Variants in MARK4 observed in about 807,000 individuals in gnomAD.
The protein encoded by MARK4 is MAP/microtubule affinity-regulating kinase 4.
In MARK4, 19 loss-of-function variants were observed where a neutral mutation model predicts 81.5. The observed-to-expected ratio is 0.23, with a 90% CI of 0.16 to 0.34. The LOEUF (loss-of-function observed/expected upper bound fraction) is 0.34. Ranked by LOEUF, MARK4 falls within the 10% of genes least tolerant of loss-of-function variation. The pLI, the probability that MARK4 is intolerant of heterozygous loss-of-function variation, is 1.00. For missense variants in MARK4, 772 were observed against 1,058.8 expected (o/e 0.73, Z 3.76); for synonymous variants, 436 against 439.0 (o/e 0.99, Z 0.08).
intron 13 of MARK4, chr19:45,288,071 C>CA (rs1227182986): frequency 4.5e-6 from 1 of 224,426 alleles, no homozygotes; most frequent in Admixed American, 5.2e-5. Context: ...AACTAAAAAT[C>CA]AAAAAAATTA....
chr19:45,286,868 T>C (rs1970749506), intron 12 of MARK4, among the ~76,000 whole-genome samples: 1 of 152,154 alleles, frequency 6.6e-6, no homozygotes. Context: ...TGATAACACA[T>C]TGTTGACCCA....
At chr19:45,272,120 C>A (rs1360261499) in intron 8 of MARK4, among the ~76,000 whole-genome samples, 1 of 152,024 alleles carries the variant, frequency 6.6e-6, no homozygotes, top group Non-Finnish European at 1.5e-5. Flanking sequence ...TCACTTGAGC[C>A]TGGGAGTTCA....
At chr19:45,290,872 G>A (rs983756196) in intron 13 of MARK4, among the ~76,000 whole-genome samples, 1 of 152,200 alleles carries the variant, frequency 6.6e-6, no homozygotes, top group Non-Finnish European at 1.5e-5. Context: ...AGGGAGGGGA[G>A]TGGAATGTTG....
intron 13 of MARK4, 71 bp from the exon 14 acceptor site, chr19:45,294,278 G>C (rs550387537): frequency 3.5e-6 from 5 of 1,439,102 alleles, no homozygotes; most frequent in African/African-American, 1.4e-5. Context: ...GGAGGGCAGA[G>C]AAGGGAAGAG....
At chr19:45,272,107 G>A (rs1002298634) in intron 8 of MARK4, among the ~76,000 whole-genome samples, 3 of 152,094 alleles carry the variant, frequency 2.0e-5, no homozygotes, top group African/African-American at 7.2e-5. Flanking sequence ...GGAGGCGGGA[G>A]GCTCACTTGA....
At chr19:45,294,247 C>T in intron 13 of MARK4, 102 bp from the exon 14 acceptor site, 1 of 1,093,990 alleles carries the variant, frequency 9.1e-7, no homozygotes, top group South Asian at 1.4e-5. Context: ...CCACATGAGC[C>T]CCTGACTTAT....
At chr19:45,251,862 G>A (rs1055885413) in intron 1 of MARK4, among the ~76,000 whole-genome samples, 1 of 151,036 alleles carries the variant, frequency 6.6e-6, no homozygotes, top group Admixed American at 6.6e-5. Context: ...CCCCTCTCTT[G>A]TCCCCGTGCA....
chr19:45,285,171 A>G (rs780743559), intron 12 of MARK4, among the ~76,000 whole-genome samples: 3 of 143,060 alleles, frequency 2.1e-5, no homozygotes, highest in Non-Finnish European at 3.0e-5. Context: ...AGGTGGGAGG[A>G]TGGTTTGAGC....
chr19:45,287,385 C>A, intron 12 of MARK4, 62 bp from the exon 13 acceptor site: 1 of 1,165,808 alleles, frequency 8.6e-7, no homozygotes, highest in African/African-American at 1.5e-5. Context: ...TCCAACGATC[C>A]CCCAGAGTCA....
chr19:45,264,788 C>A (rs759960895), intron 5 of MARK4, 39 bp downstream of exon 5: 1 of 1,613,884 alleles, frequency 6.2e-7, no homozygotes, highest in Admixed American at 1.7e-5. Context: ...CCTGTGCCAC[C>A]TCCCCCTGCC....
intron 10 of MARK4, among the ~76,000 whole-genome samples, chr19:45,279,346 G>A (rs1291567793): frequency 2.0e-5 from 3 of 152,130 alleles, no homozygotes; most frequent in Non-Finnish European, 2.9e-5. Flanking sequence ...ATGAAACCTC[G>A]TCTCTACTAA....
chr19:45,277,171 G>C (rs1970608759), intron 8 of MARK4, among the ~76,000 whole-genome samples: 1 of 151,966 alleles, frequency 6.6e-6, no homozygotes, highest in African/African-American at 2.4e-5. Context: ...CACCTCCTAA[G>C]AGTTTAAGTG....
At chr19:45,279,131 A>G (rs1970639700) in intron 10 of MARK4, among the ~76,000 whole-genome samples, 1 of 152,144 alleles carries the variant, frequency 6.6e-6, no homozygotes, top group African/African-American at 2.4e-5. Flanking sequence ...AAGCTGAGGT[A>G]GGAGGATCCC....
chr19:45,299,870 C>A lies in MARK4; in HGVS notation c.1922+15C>A. Reference sequence around the variant, plus strand: ...GAGGTCACAAGGTGAGTGCTTGGGCCTACCCCTGACTGCCACTTCCCCTCT... The same window carrying A: ...GAGGTCACAAGGTGAGTGCTTGGGCATACCCCTGACTGCCACTTCCCCTCT... On this transcript the variant is annotated intron_variant, in intron 16 of 16. Transcript: ENST00000262891. The A allele has an allele frequency of 6.3e-7, 1 of 1,588,560 alleles. No homozygotes were observed. Among genetic ancestry groups the A allele is most frequent in the South Asian group, 1.1e-5 (1 of 88,324 alleles).
chr19:45,266,701 A>G (rs1332190758), intron 7 of MARK4, among the ~76,000 whole-genome samples: 2 of 149,390 alleles, frequency 1.3e-5, no homozygotes, highest in African/African-American at 4.9e-5. Context: ...CTCTGCCCAC[A>G]GGGTCCCAGA....
intron 14 of MARK4, among the ~76,000 whole-genome samples, chr19:45,296,315 GTAATT>G (rs1207664766): frequency 6.6e-6 from 1 of 152,246 alleles, no homozygotes; most frequent in Non-Finnish European, 1.5e-5. Context: ...CCAGGGTAGA[GTAATT>G]TAAATAAAAA....
chr19:45,279,446 G>A (rs781142343), intron 10 of MARK4, among the ~76,000 whole-genome samples: 1 of 152,164 alleles, frequency 6.6e-6, no homozygotes, highest in African/African-American at 2.4e-5. Flanking sequence ...GAATCCAGGA[G>A]GCAGAGGTTG....
Position 45,277,693 on chromosome 19 carries a change from C to T in MARK4, c.787-230C>T, listed in dbSNP as rs345408. Among the ~76,000 whole-genome samples the T allele has an allele frequency of 3.2e-3, 488 of 151,878 alleles. 1 individual carries two copies. Among genetic ancestry groups the T allele is most frequent in the African/African-American group, 6.7e-3 (276 of 41,412 alleles). On this transcript the variant is annotated intron_variant, in intron 8 of 16. Coordinates refer to ENST00000262891, the MANE Select transcript of MARK4 (RefSeq NM_001199867.2). ...AAGAATTTTTTTTTTTAAATTGCAG[C>T]GTCCATATGATGTTCCCATTTTATG...
At chr19:45,275,267 AT>A (rs1970583813) in intron 8 of MARK4, among the ~76,000 whole-genome samples, 1 of 152,120 alleles carries the variant, frequency 6.6e-6, no homozygotes. Flanking sequence ...TCTCAAAAAA[AT>A]AAAAAGAGTT....
Sources: gnomAD v4.1 joint callset for allele counts (sites outside exome capture counted in the v4.1 genomes callset) on GRCh38, gnomAD v4.1.1 for gene constraint, MANE v1.5 for transcripts, NCBI Gene and HGNC (gene_info 2026-07-23, HGNC 2026-07-21) for gene names.